MID1: variants seen among roughly 807,000 people sequenced by gnomAD.
MID1 encodes midline 1.
In MID1, 7 loss-of-function variants were observed where a neutral mutation model predicts 40.4. The ratio of observed to expected loss-of-function variants is 0.17; its 90% CI spans 0.10 to 0.33. The LOEUF is 0.33. Ranked by LOEUF, MID1 falls within the 10% of genes least tolerant of loss-of-function variation. MID1 has a pLI of 1.00. For synonymous variants in MID1, 229 were observed against 221.2 expected, an observed-to-expected ratio of 1.04 and a Z score of -0.31; for missense variants, 367 against 558.5, an observed-to-expected ratio of 0.66 and a Z score of 3.46.
intron 1 of MID1, among the ~76,000 whole-genome samples, chrX:10,584,586 T>C (rs1935094812): frequency 8.9e-6 from 1 of 112,379 alleles, no homozygotes. Context: ...GCACCAAAGA[T>C]GAGTTAAGAC....
At position 10,828,631 on chromosome X, in the gene MID1, G is replaced by C. The variant is rs996452720; in HGVS notation, c.-187+4923C>G. 2.7e-5 allele frequency among the ~76,000 whole-genome samples: 3 copies of C among 111,792 alleles called. No homozygotes were observed. The East Asian group carries it at 8.4e-4, about 31-fold the overall frequency. Reference sequence around the variant, plus strand: ...GTGTCAAACACAAAAACCTACAAGGGACAAACAGGTAACACCAATAAACAG... The same window carrying C: ...GTGTCAAACACAAAAACCTACAAGGCACAAACAGGTAACACCAATAAACAG... On this transcript the variant is annotated intron_variant, in intron 1 of 10. Coordinates refer to the MID1 transcript ENST00000380785.
At chrX:10,566,198 A>G (rs2147466218) in intron 2 of MID1, among the ~76,000 whole-genome samples, 1 of 111,770 alleles carries the variant, frequency 8.9e-6, no homozygotes. Flanking sequence ...GTAAAAAATG[A>G]AGTTCAAATA....
intron 1 of MID1, among the ~76,000 whole-genome samples, chrX:10,637,940 C>T (rs933290500): frequency 1.8e-5 from 2 of 111,914 alleles, no homozygotes; most frequent in African/African-American, 3.2e-5. Context: ...TTCTGTAAAT[C>T]TTAAAATGTT....
chrX:10,732,747 A>T (rs974758183), intron 1 of MID1, among the ~76,000 whole-genome samples: 1 of 112,295 alleles, frequency 8.9e-6, no homozygotes, highest in Non-Finnish European at 1.9e-5. Flanking sequence ...ATAACATGAC[A>T]GTAGCTGACA....
intron 1 of MID1, among the ~76,000 whole-genome samples, chrX:10,697,228 G>C (rs2043168009): frequency 9.0e-6 from 1 of 111,368 alleles, no homozygotes; most frequent in Non-Finnish European, 1.9e-5. Flanking sequence ...ACTCTCAGTG[G>C]GTGAAAATGC....
chrX:10,595,975 TA>T (rs1347816769), intron 1 of MID1, among the ~76,000 whole-genome samples: 6 of 111,831 alleles, frequency 5.4e-5, no homozygotes, highest in South Asian at 3.7e-4. Flanking sequence ...AAATTTTTTT[TA>T]AAAAAAATTT....
At chrX:10,480,729 T>A (rs892879966) in intron 5 of MID1, among the ~76,000 whole-genome samples, 4 of 111,897 alleles carry the variant, frequency 3.6e-5, no homozygotes, top group African/African-American at 1.3e-4. Flanking sequence ...ATAACAGGGA[T>A]GATAGCCAGC....
In MID1 at chrX:10,445,732, A is replaced by G. The variant is rs772761314; in HGVS notation, c.*3636T>C. 3 of 111,834 alleles carry G rather than the reference A, an allele frequency of 2.7e-5. No homozygotes were observed. Among genetic ancestry groups the G allele is most frequent in the Non-Finnish European group, 5.6e-5 (3 of 53,184 alleles). 9.2% of individuals were successfully genotyped at this position (111,834 alleles called of 1,213,427 possible). On this transcript the variant is annotated 3_prime_UTR_variant, in exon 10 of 10. Transcript: ENST00000317552. ...TGTCCAAGCCAAGCTGATACAGATGATGATACTTATCAGTGATTCCCATTT... is the reference window on the plus strand; with the variant it reads ...TGTCCAAGCCAAGCTGATACAGATGGTGATACTTATCAGTGATTCCCATTT...
chrX:10,570,381 A>G (rs1602419396), intron 1 of MID1, among the ~76,000 whole-genome samples: 1 of 112,106 alleles, frequency 8.9e-6, no homozygotes, highest in East Asian at 2.8e-4. Flanking sequence ...ATTTTTCTTT[A>G]TAATATTTAT....
At chrX:10,497,238 T>C (rs1370254860) in intron 3 of MID1, among the ~76,000 whole-genome samples, 1 of 112,526 alleles carries the variant, frequency 8.9e-6, no homozygotes, top group African/African-American at 3.2e-5. Flanking sequence ...ATTGATAACA[T>C]GAGCACATTA....
At position 10,567,592 on chromosome X, in the gene MID1, C is replaced by T; in HGVS notation, c.-45G>A. The T allele has an allele frequency of 8.4e-7, 1 of 1,194,888 alleles. No individual in the cohort carries two copies. ...GTGTCATCAGCAAAACCCAAGGAAG[C>T]TGATCAGCTATCTGGAAACAAGAAT... On this transcript the variant is annotated 5_prime_UTR_variant, in exon 2 of 10. Coordinates refer to ENST00000317552, the MANE Select transcript of MID1 (RefSeq NM_000381.4).
intron 1 of MID1, among the ~76,000 whole-genome samples, chrX:10,714,613 G>T (rs2043288676): frequency 8.9e-6 from 1 of 112,668 alleles, no homozygotes; most frequent in Admixed American, 9.4e-5. Flanking sequence ...AATTGTATTA[G>T]CAGTATTTCT....
chrX:10,510,628 C>G (rs969291991), intron 3 of MID1, among the ~76,000 whole-genome samples: 11 of 108,168 alleles, frequency 1.0e-4, no homozygotes, highest in East Asian at 2.9e-4. Flanking sequence ...GTCAGGAGAT[C>G]GAGACCATCC....
At chrX:10,717,799 A>G (rs1324042618) in intron 1 of MID1, among the ~76,000 whole-genome samples, 15 of 111,451 alleles carry the variant, frequency 1.3e-4, no homozygotes, top group Non-Finnish European at 1.9e-5. Flanking sequence ...CTTGGAAGTA[A>G]AGCTCTCCTC....
chrX:10,466,089 G>GTCC (rs1270387138), intron 7 of MID1, among the ~76,000 whole-genome samples: 36 of 111,724 alleles, frequency 3.2e-4, no homozygotes, highest in African/African-American at 1.0e-3. Flanking sequence ...GGTTCTATCA[G>GTCC]TCCTCTATGT....
intron 1 of MID1, among the ~76,000 whole-genome samples, chrX:10,629,643 T>C (rs561557716): frequency 8.9e-6 from 1 of 112,608 alleles, no homozygotes. Context: ...TATTGTGCTA[T>C]GCAGAGGAGG....
intron 1 of MID1, among the ~76,000 whole-genome samples, chrX:10,648,304 T>C (rs1050779736): frequency 8.9e-6 from 1 of 111,829 alleles, no homozygotes; most frequent in Non-Finnish European, 1.9e-5. Context: ...TGGAACTGTG[T>C]TTGAATTTGT....
intron 1 of MID1, among the ~76,000 whole-genome samples, chrX:10,795,269 G>T (rs2043960243): frequency 8.9e-6 from 1 of 112,600 alleles, no homozygotes; most frequent in Admixed American, 9.4e-5. Flanking sequence ...AAAAAGATCA[G>T]GTTATACTCT....
In MID1 at chrX:10,586,410, G is replaced by A. The variant is rs530910047; in HGVS notation, c.-56-18807C>T. ...GGTTGGCGAAGCTGCTCCCATCCAC[G>A]TACAGCTCTCGGTCTACTGATGTTT... On this transcript the variant is annotated intron_variant, in intron 1 of 9. Coordinates refer to ENST00000317552, the MANE Select transcript of MID1 (RefSeq NM_000381.4). 2.8e-4 allele frequency among the ~76,000 whole-genome samples: 31 copies of A among 111,528 alleles called. No homozygotes were observed. The South Asian group carries it at 9.3e-3, about 33-fold the overall frequency.
Sources: gnomAD v4.1 joint callset for allele counts (sites outside exome capture counted in the v4.1 genomes callset) on GRCh38, gnomAD v4.1.1 for gene constraint, MANE v1.5 for transcripts, NCBI Gene and HGNC (gene_info 2026-07-23, HGNC 2026-07-21) for gene names.